Variants in EYS observed in about 807,000 individuals in gnomAD.
The protein encoded by EYS is protein eyes shut homolog.
EYS carries 250 observed loss-of-function variants against 282.1 expected under a neutral mutation model. That is an observed-to-expected ratio of 0.89 (90% CI 0.80 to 0.98). The LOEUF (loss-of-function observed/expected upper bound fraction) is 0.98. Ranked by LOEUF, EYS falls within the 50% of genes least tolerant of loss-of-function variation. The probability of loss-of-function intolerance (pLI) is 0.00; values close to 1 mark genes in which losing one functional copy is unlikely to be tolerated. For synonymous variants in EYS, 1,355 were observed against 1,282.9 expected, an observed-to-expected ratio of 1.06 and a Z score of -1.20; for missense variants, 4,016 against 3,709.0, an observed-to-expected ratio of 1.08 and a Z score of -2.15.
At chr6:64,350,134 C>T (rs1771569999) in intron 29 of EYS, among the ~76,000 whole-genome samples, 4 of 151,434 alleles carry the variant, frequency 2.6e-5, no homozygotes, top group African/African-American at 9.7e-5. Context: ...AGTGTCTCTA[C>T]TCAGAGTCTA....
intron 31 of EYS, among the ~76,000 whole-genome samples, chr6:64,088,699 C>T (rs941052431): frequency 3.3e-5 from 5 of 151,974 alleles, no homozygotes; most frequent in African/African-American, 1.2e-4. Flanking sequence ...AATAACAACT[C>T]ATTGAAATTT....
chr6:65,371,955 C>T (rs751421481), intron 8 of EYS, among the ~76,000 whole-genome samples: 11 of 148,866 alleles, frequency 7.4e-5, no homozygotes, highest in South Asian at 6.3e-4. Context: ...CTTCTTCCAG[C>T]GTGAGTTTAC....
intron 31 of EYS, among the ~76,000 whole-genome samples, chr6:64,107,488 C>G (rs1421256157): frequency 1.3e-5 from 2 of 151,330 alleles, no homozygotes; most frequent in African/African-American, 4.9e-5. Context: ...GGAGGCTAGG[C>G]CAGTCTCTTT....
chr6:64,200,533 A>G (rs1765433174), intron 31 of EYS, among the ~76,000 whole-genome samples: 1 of 152,160 alleles, frequency 6.6e-6, no homozygotes, highest in Non-Finnish European at 1.5e-5. Context: ...AGAAAACACC[A>G]AAAGAAAGGG....
chr6:65,215,795 A>G (rs1036570449), intron 12 of EYS, among the ~76,000 whole-genome samples: 1 of 152,204 alleles, frequency 6.6e-6, no homozygotes, highest in Non-Finnish European at 1.5e-5. Context: ...GCCAGCAGCC[A>G]TCAACATTGA....
intron 13 of EYS, among the ~76,000 whole-genome samples, chr6:65,013,407 G>C (rs1326579231): frequency 1.3e-5 from 2 of 152,092 alleles, no homozygotes; most frequent in Non-Finnish European, 2.9e-5. Flanking sequence ...CGCGGGAGGT[G>C]GGGGGCAGGT....
At chr6:64,205,570 C>T (rs929924498) in intron 31 of EYS, among the ~76,000 whole-genome samples, 13 of 152,026 alleles carry the variant, frequency 8.6e-5, no homozygotes, top group African/African-American at 3.1e-4. Context: ...CAAATTAATT[C>T]TTCTTTTTTA....
intron 22 of EYS, among the ~76,000 whole-genome samples, chr6:64,778,530 G>C (rs142107281): frequency 6.6e-6 from 1 of 152,096 alleles, no homozygotes; most frequent in Non-Finnish European, 1.5e-5. Context: ...CTTCTTGTTC[G>C]TTGGCTGCTT....
At chr6:64,121,562 T>C (rs1315898940) in intron 31 of EYS, among the ~76,000 whole-genome samples, 1 of 152,224 alleles carries the variant, frequency 6.6e-6, no homozygotes, top group African/African-American at 2.4e-5. Context: ...ACCCTTAATA[T>C]AGTTAATCCA....
chr6:64,174,392 G>A (rs1487682816), intron 31 of EYS, among the ~76,000 whole-genome samples: 2 of 151,860 alleles, frequency 1.3e-5, no homozygotes, highest in East Asian at 1.9e-4. Flanking sequence ...TATCACAATC[G>A]TATTACTTTG....
intron 26 of EYS, among the ~76,000 whole-genome samples, chr6:64,551,563 G>A (rs376480878): frequency 7.0e-6 from 1 of 143,092 alleles, no homozygotes; most frequent in African/African-American, 2.6e-5. Flanking sequence ...TTGAGATGGA[G>A]TCCTGCTGTG....
At chr6:65,345,598 T>G (rs894682709) in intron 9 of EYS, among the ~76,000 whole-genome samples, 40 of 151,714 alleles carry the variant, frequency 2.6e-4, no homozygotes, top group Middle Eastern at 3.2e-3. Flanking sequence ...ATTTGCTCAG[T>G]TTTTCCAACT....
chr6:65,683,421 A>G (rs1317233556), intron 1 of EYS, among the ~76,000 whole-genome samples: 1 of 151,106 alleles, frequency 6.6e-6, no homozygotes, highest in Non-Finnish European at 1.5e-5. Context: ...CCCTATTGCA[A>G]TAGTCTTAAC....
At chr6:64,402,219 G>A (rs1326446342) in intron 28 of EYS, among the ~76,000 whole-genome samples, 5 of 152,104 alleles carry the variant, frequency 3.3e-5, no homozygotes, top group Admixed American at 1.3e-4. Context: ...CCATTAAAGT[G>A]TGCCACTCAT....
At chr6:63,896,433 C>A (rs895218472) in intron 35 of EYS, among the ~76,000 whole-genome samples, 2 of 152,110 alleles carry the variant, frequency 1.3e-5, no homozygotes, top group African/African-American at 4.8e-5. Context: ...ATGTTCACAG[C>A]AAAATAGAGT....
At chr6:64,615,616 T>C (rs1767249079) in intron 24 of EYS, among the ~76,000 whole-genome samples, 1 of 152,120 alleles carries the variant, frequency 6.6e-6, no homozygotes, top group Admixed American at 6.6e-5. Flanking sequence ...CATTTCAATG[T>C]TAAAATTCTT....
chr6:65,669,281 T>C (rs1244965168), intron 1 of EYS, among the ~76,000 whole-genome samples: 2 of 151,988 alleles, frequency 1.3e-5, no homozygotes, highest in African/African-American at 4.8e-5. Context: ...GTAGATGATA[T>C]ATTCATGCTA....
chr6:64,372,594 G>C (rs1249768202), intron 29 of EYS, among the ~76,000 whole-genome samples: 2 of 152,122 alleles, frequency 1.3e-5, no homozygotes, highest in African/African-American at 4.8e-5. Context: ...GACCTCTCTA[G>C]TAAGGTTGGG....
intron 22 of EYS, among the ~76,000 whole-genome samples, chr6:64,705,393 C>T (rs1349412164): frequency 6.6e-6 from 1 of 152,020 alleles, no homozygotes; most frequent in Admixed American, 6.6e-5. Context: ...GTGAAAATGA[C>T]CATACTGCCA....
Sources: gnomAD v4.1 joint callset for allele counts (sites outside exome capture counted in the v4.1 genomes callset) on GRCh38, gnomAD v4.1.1 for gene constraint, MANE v1.5 for transcripts, NCBI Gene and HGNC (gene_info 2026-07-23, HGNC 2026-07-21) for gene names.